The following RTN4 variants were observed in gnomAD, a reference collection of about 807,000 sequenced individuals.
RTN4 encodes reticulon-4.
Under a neutral mutation model 90.4 loss-of-function variants are expected in RTN4, and 32 were observed. That is an observed-to-expected ratio of 0.35 (90% CI 0.27 to 0.48). RTN4 has a LOEUF of 0.48. Among genes scored for constraint, RTN4 ranks in the 20% least tolerant of loss-of-function variants. The pLI, the probability that RTN4 is intolerant of heterozygous loss-of-function variation, is 0.99. For missense variants in RTN4, 1,706 were observed against 1,430.2 expected, an observed-to-expected ratio of 1.19 and a Z score of -3.11; for synonymous variants, 629 against 552.5, an observed-to-expected ratio of 1.14 and a Z score of -1.94.
intron 3 of RTN4, among the ~76,000 whole-genome samples, chr2:55,005,053 A>G (rs1680110302): frequency 1.3e-5 from 2 of 152,174 alleles, no homozygotes; most frequent in Non-Finnish European, 2.9e-5. Context: ...GTATGTTTAG[A>G]AAACGAGTCC....
chr2:55,055,651 T>A (rs893947312), upstream of RTN4, among the ~76,000 whole-genome samples: 30 of 151,830 alleles, frequency 2.0e-4, no homozygotes, highest in Admixed American at 5.3e-4. Context: ...GCGCCTGTAG[T>A]CCCAGCTACT....
chr2:55,022,603 G>C (rs1056632524), intron 3 of RTN4, among the ~76,000 whole-genome samples: 2 of 151,968 alleles, frequency 1.3e-5, no homozygotes, highest in Admixed American at 6.6e-5. Context: ...ATTCCGCTAC[G>C]TCATTCTCTG....
chr2:55,003,315 A>G (rs914888269), intron 3 of RTN4, among the ~76,000 whole-genome samples: 1 of 152,226 alleles, frequency 6.6e-6, no homozygotes, highest in Non-Finnish European at 1.5e-5. Flanking sequence ...CAGTTTTTAA[A>G]TTGCTTTGAG....
chr2:55,102,589 T>A (rs2105057632), intron 1 of RTN4, among the ~76,000 whole-genome samples: 1 of 152,232 alleles, frequency 6.6e-6, no homozygotes. Flanking sequence ...CTCACAAGAA[T>A]CTGGTGGCTG....
At chr2:55,020,588 G>A (rs1292262010) in intron 3 of RTN4, among the ~76,000 whole-genome samples, 1 of 152,202 alleles carries the variant, frequency 6.6e-6, no homozygotes. Flanking sequence ...TTAGTTTCTT[G>A]ACAAACTTTA....
rs532372442 is a variant in RTN4, at chr2:55,012,326, T to C, written c.3013+12760A>G. ...CCCCTGACAGATTAAAAAGTCAAAA[T>C]AGGAGCCCTGAAGTTTAGTAAACAT... On this transcript the variant is annotated intron_variant, in intron 3 of 8. Coordinates refer to ENST00000337526, the MANE Select transcript of RTN4 (RefSeq NM_020532.5). Among the ~76,000 whole-genome samples, 5 of 152,272 alleles carry C rather than the reference T, an allele frequency of 3.3e-5. No individual in the cohort carries two copies. The South Asian group carries it at 6.2e-4, about 19-fold the overall frequency.
chr2:54,978,453 A>G (rs890546189), intron 5 of RTN4, among the ~76,000 whole-genome samples: 1 of 148,300 alleles, frequency 6.7e-6, no homozygotes, highest in Non-Finnish European at 1.5e-5. Context: ...AAAAAAAAAA[A>G]GAGCTAGTGA....
intron 4 of RTN4, among the ~76,000 whole-genome samples, 168 bp downstream of exon 4, chr2:54,987,323 T>TCTA (rs1302204335): frequency 6.6e-6 from 1 of 152,182 alleles, no homozygotes; most frequent in African/African-American, 2.4e-5. Context: ...TAAAACGACT[T>TCTA]TTAGAAAATC....
chr2:55,049,716 G>A (rs1162183681), intron 1 of RTN4, 29 bp downstream of exon 1: 2 of 1,404,268 alleles, frequency 1.4e-6, no homozygotes, highest in Non-Finnish European at 1.9e-6. Context: ...CGCGAGGGGC[G>A]GCGCGAAGCG....
intron 1 of RTN4, among the ~76,000 whole-genome samples, chr2:55,045,038 T>C (rs1683328624): frequency 6.6e-6 from 1 of 152,126 alleles, no homozygotes; most frequent in Admixed American, 6.5e-5. Flanking sequence ...AACTGATACC[T>C]AATATTTAAA....
chr2:55,127,660 G>A, the RTN4 span, among the ~76,000 whole-genome samples: 4 of 152,206 alleles, frequency 2.6e-5, no homozygotes, highest in Non-Finnish European at 5.9e-5. Context: ...TTGAGGCCTT[G>A]GCTCACTGAT....
At chr2:55,105,875 G>C (rs1178527463) in intron 1 of RTN4, among the ~76,000 whole-genome samples, 1 of 152,036 alleles carries the variant, frequency 6.6e-6, no homozygotes, top group Non-Finnish European at 1.5e-5. Flanking sequence ...AACTACTCTG[G>C]AGGCTGAGGC....
chr2:55,071,839 G>C (rs973463676), intron 2 of RTN4, among the ~76,000 whole-genome samples: 6 of 152,314 alleles, frequency 3.9e-5, no homozygotes, highest in Non-Finnish European at 7.3e-5. Flanking sequence ...GTTTAGGAGA[G>C]AGCAGTTCAA....
At position 55,049,984 on chromosome 2, in the gene RTN4, G is replaced by T; in HGVS notation, c.317C>A (p.Pro106Gln). Residue 106 changes from proline to glutamine, a missense_variant, in exon 1 of 9, where the codon CCG (proline) becomes CAG (glutamine). Transcript: ENST00000337526. ...CGACACCGGGCTCGGGTCCCAAGAC[G>T]GCTGCCGCTCCGGGGCGACGGGGGG... Reference protein sequence around the residue: ...AAPPVAPERQPSWDPSPVSST... With the variant: ...AAPPVAPERQQSWDPSPVSST... 1 of 1,374,926 alleles carries T rather than the reference G, an allele frequency of 7.3e-7. No homozygotes were observed. Among genetic ancestry groups the T allele is most frequent in the South Asian group, 1.7e-5 (1 of 59,968 alleles). 85.2% of individuals were successfully genotyped at this position (1,374,926 alleles called of 1,614,324 possible). A position where few individuals can be genotyped will look rare whatever the true frequency, so the allele number is the denominator to read the frequency against.
At chr2:55,038,493 G>C (rs1035062757) in intron 1 of RTN4, among the ~76,000 whole-genome samples, 2 of 125,668 alleles carry the variant, frequency 1.6e-5, no homozygotes, top group Non-Finnish European at 3.6e-5. Flanking sequence ...CTTCACCAAA[G>C]AAAACACACA....
chr2:55,048,693 G>A (rs1667914527), intron 1 of RTN4, among the ~76,000 whole-genome samples: 1 of 151,988 alleles, frequency 6.6e-6, no homozygotes, highest in Non-Finnish European at 1.5e-5. Context: ...TTTTGATTCT[G>A]TAACCTAAAA....
intron 1 of RTN4, among the ~76,000 whole-genome samples, chr2:55,084,049 GTTTGGAACTT>G (rs1342298049): frequency 2.6e-5 from 4 of 152,186 alleles, no homozygotes; most frequent in Non-Finnish European, 5.9e-5. Flanking sequence ...ATGATTAAAA[GTTTGGAACTT>G]TCAGCCCTAC....
upstream of RTN4, among the ~76,000 whole-genome samples, chr2:55,052,835 T>A (rs1668120977): frequency 6.6e-6 from 1 of 152,224 alleles, no homozygotes; most frequent in South Asian, 2.1e-4. Context: ...CTTTTCCCAC[T>A]ATGACTGTTC....
intron 1 of RTN4, among the ~76,000 whole-genome samples, chr2:55,103,636 C>G (rs1254341717): frequency 6.6e-6 from 1 of 151,854 alleles, no homozygotes; most frequent in Non-Finnish European, 1.5e-5. Flanking sequence ...TTATTTTTTT[C>G]CCTCTTTTTC....
Sources: allele counts gnomAD v4.1 joint callset (sites outside exome capture counted in the v4.1 genomes callset), GRCh38; gene constraint gnomAD v4.1.1; transcripts MANE v1.5; gene names NCBI Gene and HGNC (gene_info 2026-07-23, HGNC 2026-07-21).